Variants in CARMIL1 observed in about 807,000 individuals in gnomAD.
The protein encoded by CARMIL1 is capping protein regulator and myosin 1 linker 1, also known as F-actin-uncapping protein LRRC16A.
Under a neutral mutation model 177.1 loss-of-function variants are expected in CARMIL1, and 90 were observed. The ratio of observed to expected loss-of-function variants is 0.51; its 90% confidence interval spans 0.43 to 0.61. The LOEUF (loss-of-function observed/expected upper bound fraction) is 0.61, where lower values mean the gene tolerates loss of function less well. CARMIL1 is among the 20% of genes least tolerant of loss of function. The pLI, the probability that CARMIL1 is intolerant of heterozygous loss-of-function variation, is 0.00. For synonymous variants in CARMIL1, 577 were observed against 606.2 expected (o/e 0.95, Z 0.71); for missense variants, 1,380 against 1,667.0 (o/e 0.83, Z 3.00).
In CARMIL1 at chr6:25,581,293, G is replaced by A. The variant is rs558045301; in HGVS notation, c.2860G>A (p.Glu954Lys). 9.9e-6 allele frequency: 16 copies of A among 1,613,858 alleles called. No individual in the cohort carries two copies. The African/African-American group carries it at 1.5e-4, about 15-fold the overall frequency. Residue 954 changes from glutamate to lysine, a missense_variant, in exon 31 of 37, where the codon GAA (glutamate) becomes AAA (lysine). Glu to Lys is a moderately conservative substitution (Grantham distance 56). Transcript: ENST00000329474. The stretch of plus-strand genomic sequence containing the variant: ...GCTGGAAGAGGTACCAATTCACATC[G>A]AAGACCCGCCCTTCCCATCCCTCAG... ...KALEEVPIHI[E>K]DPPFPSLRQE...
chr6:25,461,193 A>T (rs1392553308), intron 8 of CARMIL1, among the ~76,000 whole-genome samples: 1 of 152,212 alleles, frequency 6.6e-6, no homozygotes, highest in South Asian at 2.1e-4. Flanking sequence ...TACATTGTAG[A>T]GACTGTTACC....
intron 8 of CARMIL1, among the ~76,000 whole-genome samples, chr6:25,453,184 A>T (rs925966095): frequency 2.0e-5 from 3 of 152,208 alleles, no homozygotes; most frequent in Non-Finnish European, 4.4e-5. Flanking sequence ...TGTTGAGCTC[A>T]TAGTAGCAGA....
chr6:25,442,157 T>A (rs149400270), intron 5 of CARMIL1, among the ~76,000 whole-genome samples: 3 of 151,600 alleles, frequency 2.0e-5, no homozygotes, highest in Non-Finnish European at 4.4e-5. Context: ...TTTAAAGAAA[T>A]CAATTAGTGT....
At chr6:25,283,279 A>G (rs1055055269) in intron 1 of CARMIL1, among the ~76,000 whole-genome samples, 10 of 152,128 alleles carry the variant, frequency 6.6e-5, no homozygotes, top group Non-Finnish European at 1.5e-4. Context: ...GACGTGATGA[A>G]TCTCACAGTT....
intron 2 of CARMIL1, among the ~76,000 whole-genome samples, chr6:25,411,664 A>G (rs908533492): frequency 6.6e-6 from 1 of 152,226 alleles, no homozygotes; most frequent in Non-Finnish European, 1.5e-5. Context: ...GTATGTAAAC[A>G]TTCCATTTCT....
chr6:25,447,253 A>G (rs1461848271), intron 5 of CARMIL1, among the ~76,000 whole-genome samples: 2 of 152,260 alleles, frequency 1.3e-5, no homozygotes, highest in African/African-American at 4.8e-5. Context: ...TCTTAGTCAT[A>G]AAACTTACAA....
chr6:25,290,829 A>C lies in CARMIL1; in HGVS notation c.138+5920A>C, dbSNP rs553550355. On this transcript the variant is annotated intron_variant, in intron 2 of 36. Transcript: ENST00000329474. ...ACGACAGGGTCTCACTGTGTTGCAC[A>C]AGCTGGAGTGCAGTGGCACTATCAC... Among the ~76,000 whole-genome samples the C allele has an allele frequency of 1.1e-4, 17 of 152,300 alleles. No individual in the cohort carries two copies. The East Asian group carries it at 3.1e-3, about 28-fold the overall frequency.
intron 2 of CARMIL1, among the ~76,000 whole-genome samples, chr6:25,293,544 C>T (rs1439366739): frequency 4.0e-5 from 6 of 151,572 alleles, no homozygotes; most frequent in African/African-American, 1.5e-4. Flanking sequence ...GCCACCATGC[C>T]GAATTTTTTT....
At chr6:25,432,208 C>A (rs2150750150) in intron 4 of CARMIL1, among the ~76,000 whole-genome samples, 1 of 152,242 alleles carries the variant, frequency 6.6e-6, no homozygotes, top group East Asian at 1.9e-4. Flanking sequence ...TAACCAGTGA[C>A]CTCTAGTTTT....
intron 23 of CARMIL1, among the ~76,000 whole-genome samples, chr6:25,521,769 C>CAAA (rs34016230): frequency 4.3e-5 from 4 of 94,020 alleles, no homozygotes; most frequent in Admixed American, 1.1e-4. Context: ...GATTCCATCT[C>CAAA]AAAAAAAAAA....
chr6:25,588,816 C>T (rs564549162), intron 31 of CARMIL1, among the ~76,000 whole-genome samples: 1 of 152,280 alleles, frequency 6.6e-6, no homozygotes, highest in Non-Finnish European at 1.5e-5. Context: ...AAAGATTACT[C>T]AATATTCAAG....
intron 2 of CARMIL1, among the ~76,000 whole-genome samples, chr6:25,409,860 A>G (rs1794752577): frequency 6.6e-6 from 1 of 152,076 alleles, no homozygotes; most frequent in Non-Finnish European, 1.5e-5. Context: ...TGTCATATTA[A>G]TATGCTCATT....
intron 2 of CARMIL1, among the ~76,000 whole-genome samples, chr6:25,363,397 A>AT (rs71823484): frequency 0.48 from 73,603 of 151,800 alleles, 18,404 homozygotes; most frequent in Non-Finnish European, 0.55. Context: ...ACCACGGAAG[A>AT]TTTTTTTCCT....
intron 2 of CARMIL1, among the ~76,000 whole-genome samples, chr6:25,361,414 G>A (rs1403224231): frequency 4.6e-5 from 7 of 151,158 alleles, no homozygotes. Flanking sequence ...ACCCTTCCAA[G>A]CTTGATCTCA....
chr6:25,589,474 A>G (rs1004746657), intron 31 of CARMIL1, among the ~76,000 whole-genome samples: 14 of 152,144 alleles, frequency 9.2e-5, no homozygotes, highest in South Asian at 4.1e-4. Flanking sequence ...AAGATCTGCC[A>G]TATCGCTTCT....
At chr6:25,438,734 T>A (rs1797454730) in intron 5 of CARMIL1, among the ~76,000 whole-genome samples, 1 of 152,108 alleles carries the variant, frequency 6.6e-6, no homozygotes, top group East Asian at 1.9e-4. Flanking sequence ...CCTGGTGATG[T>A]AGATGTAGTT....
In CARMIL1 at chr6:25,326,163, C is replaced by T. The variant is rs536283058; in HGVS notation, c.138+41254C>T. Among the ~76,000 whole-genome samples the T allele has an allele frequency of 2.0e-5, 3 of 152,236 alleles. No individual in the cohort carries two copies. The highest frequency in any genetic ancestry group is 4.8e-5 in the African/African-American group (2 of 41,532). ...GATTACAGGCGTGAGCCACTGCGCT[C>T]GGCCTAGATGAGACATTTTTGAGAA... On this transcript the variant is annotated intron_variant, in intron 2 of 36. Coordinates refer to ENST00000329474, the MANE Select transcript of CARMIL1 (RefSeq NM_017640.6). This position sits in a 1 kb window ranked among gnomAD's most constrained non-coding sequence, Gnocchi z 4.2.
intron 2 of CARMIL1, among the ~76,000 whole-genome samples, chr6:25,306,237 C>T (rs1783248736): frequency 6.6e-6 from 1 of 152,130 alleles, no homozygotes; most frequent in Non-Finnish European, 1.5e-5. Flanking sequence ...GGGTCCCCAA[C>T]CCCAGGGCTG....
At chr6:25,312,905 TAAAA>T (rs35960509) in intron 2 of CARMIL1, among the ~76,000 whole-genome samples, 11 of 114,996 alleles carry the variant, frequency 9.6e-5, no homozygotes, top group Non-Finnish European at 1.6e-4. Context: ...ATGACTCAGT[TAAAA>T]AAAAAAAAAA....
Sources: gnomAD v4.1 joint callset for allele counts (sites outside exome capture counted in the v4.1 genomes callset) on GRCh38, gnomAD v4.1.1 for gene constraint, Gnocchi (gnomAD v3.1) non-coding constraint, MANE v1.5 for transcripts, NCBI Gene and HGNC (gene_info 2026-07-23, HGNC 2026-07-21) for gene names.